The following NAA25 variants were observed in gnomAD, a reference collection of about 807,000 sequenced individuals.
The protein encoded by NAA25 is N-alpha-acetyltransferase 25, NatB auxiliary subunit.
A neutral mutation model predicts 132.5 loss-of-function variants in NAA25; 30 were observed. The ratio of observed to expected loss-of-function variants is 0.23; its 90% CI spans 0.17 to 0.31. The LOEUF (loss-of-function observed/expected upper bound fraction) is 0.31. Ranked by LOEUF, NAA25 falls within the 10% of genes least tolerant of loss-of-function variation. The pLI is 1.00. For missense variants in NAA25, 771 were observed against 1,150.4 expected, an observed-to-expected ratio of 0.67 and a Z score of 4.77; for synonymous variants, 359 against 401.9, an observed-to-expected ratio of 0.89 and a Z score of 1.28.
intron 7 of NAA25, among the ~76,000 whole-genome samples, chr12:112,077,889 A>G (rs1313120589): frequency 6.6e-6 from 1 of 152,014 alleles, no homozygotes; most frequent in Non-Finnish European, 1.5e-5. Context: ...TAAAAAAAAA[A>G]GTGGGGAAGA....
In NAA25 at chr12:112,027,779, A is replaced by G. The variant is rs1354099995; in HGVS notation, c.*1752T>C. On this transcript the variant is annotated 3_prime_UTR_variant, in exon 24 of 24. Coordinates refer to ENST00000261745, the MANE Select transcript of NAA25 (RefSeq NM_024953.4). ...CCCACCCTCCCCAGCAGACACACACAAAGTTCCATCTTAAACAGGCCATAG... is the reference window on the plus strand; with the variant it reads ...CCCACCCTCCCCAGCAGACACACACGAAGTTCCATCTTAAACAGGCCATAG... 6.6e-6 allele frequency: 1 copy of G among 152,268 alleles called. No homozygotes were observed. Among genetic ancestry groups the G allele is most frequent in the African/African-American group, 2.4e-5 (1 of 41,448 alleles). 9.4% of individuals were successfully genotyped at this position (152,268 alleles called of 1,614,324 possible).
At chr12:112,040,425 A>C in intron 21 of NAA25, 56 bp downstream of exon 21, 1 of 1,067,938 alleles carries the variant, frequency 9.4e-7, no homozygotes. Flanking sequence ...TTGAAAAATG[A>C]ATCCTGTAGA....
chr12:112,090,805 T>C lies in NAA25; in HGVS notation c.204A>G (p.Ala68=), dbSNP rs1032900693. 1.2e-6 allele frequency: 2 copies of C among 1,613,936 alleles called. No individual in the cohort carries two copies. The highest frequency in any genetic ancestry group is 2.7e-5 in the African/African-American group (2 of 74,934). ...TGKQEEAFTL[A]QEVAALEPTD... is the part of the protein sequence containing the mutation. The stretch of plus-strand genomic sequence containing the variant: ...TGGGTTCAAGGGCTGCCACCTCCTG[T>C]GCAAGAGTAAAGGCTTCCTCTTGCT... The change falls in exon 3 of 24, where the codon GCA becomes GCG. Residue 68 remains alanine (A), a synonymous_variant. Coordinates refer to ENST00000261745, the MANE Select transcript of NAA25 (RefSeq NM_024953.4).
rs1566003186 is a variant in NAA25 at position 112,047,653 on chromosome 12, A to C, written c.2006+12T>G. ...AAACTTTAAAAATTGCTTGGGGTTA[A>C]ATTCCAGTTACCTGTCTTTTGGATC... On this transcript the variant is annotated intron_variant, in intron 17 of 23. Transcript: ENST00000261745. 1 of 1,605,810 alleles carries C rather than the reference A, an allele frequency of 6.2e-7. No homozygotes were observed. The highest frequency in any genetic ancestry group is 2.2e-5 in the East Asian group (1 of 44,846).
At chr12:112,046,633 G>A (rs2078385077) in intron 17 of NAA25, among the ~76,000 whole-genome samples, 1 of 152,142 alleles carries the variant, frequency 6.6e-6, no homozygotes. Context: ...TTTAAATCTT[G>A]ATACATATCA....
At chr12:112,041,912 T>C (rs1197286082) in intron 20 of NAA25, 127 bp downstream of exon 20, 1 of 574,504 alleles carries the variant, frequency 1.7e-6, no homozygotes, top group African/African-American at 2.0e-5. Context: ...CTAGGAGTAT[T>C]GACTCCAAAG....
chr12:112,106,775 G>A (rs985341508), intron 1 of NAA25, among the ~76,000 whole-genome samples: 3 of 151,070 alleles, frequency 2.0e-5, no homozygotes, highest in Admixed American at 1.3e-4. Flanking sequence ...GCAACATGAC[G>A]AAACCCATTC....
chr12:112,082,988 G>A lies in NAA25; in HGVS notation c.403-1854C>T, dbSNP rs147625196. On this transcript the variant is annotated intron_variant, in intron 4 of 23. Transcript: ENST00000261745. ...AGAGTAGCAGGAAAAGTGTTGAAAG[G>A]TAGACCAAGGTACTTTTGTTGTAAG... Among the ~76,000 whole-genome samples, 126 of 152,270 alleles carry A rather than the reference G, an allele frequency of 8.3e-4. 1 individual carries two copies. The South Asian group carries it at 0.012, about 15-fold the overall frequency.
chr12:112,078,124 A>G, intron 7 of NAA25, 64 bp downstream of exon 7: 2 of 1,173,112 alleles, frequency 1.7e-6, no homozygotes, highest in Admixed American at 2.2e-5. Flanking sequence ...AATTTTCTAC[A>G]ATAAACATTT....
At chr12:112,094,277 G>A (rs980616651) in intron 1 of NAA25, among the ~76,000 whole-genome samples, 3 of 149,012 alleles carry the variant, frequency 2.0e-5, no homozygotes, top group Non-Finnish European at 4.4e-5. Flanking sequence ...ACAAACTTAC[G>A]TCCCTATAGT....
intron 4 of NAA25, among the ~76,000 whole-genome samples, chr12:112,081,558 A>C (rs910072962): frequency 6.6e-6 from 1 of 152,202 alleles, no homozygotes. Context: ...ACCATGCCAT[A>C]ATTCAAAAAT....
chr12:112,082,231 G>C (rs1005976306), intron 4 of NAA25, among the ~76,000 whole-genome samples: 1 of 151,262 alleles, frequency 6.6e-6, no homozygotes, highest in African/African-American at 2.4e-5. Context: ...CTGGGCAACA[G>C]AGTAAGACTT....
chr12:112,090,991 G>A, intron 2 of NAA25, 127 bp from the exon 3 acceptor site: 1 of 868,966 alleles, frequency 1.2e-6, no homozygotes, highest in Non-Finnish European at 1.7e-6. Flanking sequence ...TTTCAGGCTG[G>A]GTGCGGCGGC....
chr12:112,082,174 G>C (rs1260080104), intron 4 of NAA25, among the ~76,000 whole-genome samples: 1 of 152,102 alleles, frequency 6.6e-6, no homozygotes, highest in Non-Finnish European at 1.5e-5. Context: ...CTTGAACCCG[G>C]GAGGCAGAGG....
intron 1 of NAA25, among the ~76,000 whole-genome samples, chr12:112,106,174 A>G (rs1271452356): frequency 1.3e-5 from 2 of 152,284 alleles, no homozygotes; most frequent in East Asian, 1.9e-4. Context: ...TCCCATGTAC[A>G]TGTTACAAAA....
chr12:112,085,816 G>A (rs1341218520), intron 4 of NAA25, among the ~76,000 whole-genome samples: 1 of 150,310 alleles, frequency 6.7e-6, no homozygotes, highest in Admixed American at 6.7e-5. Flanking sequence ...TCAGGAGTTC[G>A]AGACCAGCCT....
intron 19 of NAA25, 22 bp downstream of exon 19, chr12:112,043,066 T>A: frequency 6.4e-7 from 1 of 1,573,648 alleles, no homozygotes; most frequent in Non-Finnish European, 8.6e-7. Flanking sequence ...AAAGACCCTA[T>A]AAACACACAG....
intron 1 of NAA25, 128 bp from the exon 2 acceptor site, chr12:112,093,264 G>A (rs897009149): frequency 1.9e-5 from 11 of 586,786 alleles, no homozygotes; most frequent in African/African-American, 3.8e-5. Flanking sequence ...TGGAGGCCGG[G>A]CGTGGTGGCT....
chr12:112,045,486 CAAAAAAA>C (rs75644384), intron 17 of NAA25, among the ~76,000 whole-genome samples: 11 of 80,614 alleles, frequency 1.4e-4, no homozygotes, highest in East Asian at 2.9e-4. Context: ...GACTCCATCA[CAAAAAAA>C]AAAAAAAAAA....
Sources: gnomAD v4.1 joint callset for allele counts (sites outside exome capture counted in the v4.1 genomes callset) on GRCh38, gnomAD v4.1.1 for gene constraint, MANE v1.5 for transcripts, NCBI Gene and HGNC (gene_info 2026-07-23, HGNC 2026-07-21) for gene names.